The following MCPH1 variants were observed in gnomAD, a reference collection of about 807,000 sequenced individuals.
The protein encoded by MCPH1 is microcephalin 1, also known as microcephalin.
A neutral mutation model predicts 84.5 loss-of-function variants in MCPH1; 104 were observed. The observed-to-expected ratio is 1.23, with a 90% CI of 1.05 to 1.45. MCPH1 has a LOEUF of 1.45. MCPH1 is among the 40% of genes most tolerant of loss of function. The pLI is 0.00. For missense variants in MCPH1, 1,498 were observed against 1,005.7 expected (o/e 1.49, Z -6.62); for synonymous variants, 514 against 366.8 (o/e 1.40, Z -4.58).
intron 8 of MCPH1, chr8:6,447,466 G>A: frequency 1.0e-6 from 1 of 972,804 alleles, no homozygotes; most frequent in African/African-American, 1.8e-5. Context: ...GTGTAAAAAA[G>A]GCTTCAAAAA....
rs114702394 is a variant in MCPH1, at chr8:6,477,659, A to G, written c.1973+28A>G. 5.9e-4 allele frequency: 944 copies of G among 1,598,452 alleles called. 5 individuals carry two copies. Among genetic ancestry groups the G allele is most frequent in the African/African-American group, 2.7e-3 (201 of 74,712 alleles). ...AAGTACTTGTTTTGATTTCTGTTCA[A>G]TGTAAAATGTTAACCTTTTCTCTCT... On this transcript the variant is annotated intron_variant, in intron 10 of 13. Coordinates refer to ENST00000344683, the MANE Select transcript of MCPH1 (RefSeq NM_024596.5).
At chr8:6,422,023 T>A (rs562665212) in intron 3 of MCPH1, among the ~76,000 whole-genome samples, 1 of 152,380 alleles carries the variant, frequency 6.6e-6, no homozygotes, top group South Asian at 2.1e-4. Flanking sequence ...TGTCCCCAGT[T>A]CACAGTTCAA....
chr8:6,464,445 T>G (rs1806629403), intron 9 of MCPH1, among the ~76,000 whole-genome samples: 1 of 152,340 alleles, frequency 6.6e-6, no homozygotes, highest in Admixed American at 6.5e-5. Context: ...AATAGGATCT[T>G]CAAAGAACTC....
chr8:6,546,149 G>A (rs1235268733), intron 12 of MCPH1, among the ~76,000 whole-genome samples: 1 of 152,238 alleles, frequency 6.6e-6, no homozygotes, highest in East Asian at 1.9e-4. Context: ...TGCTATGCTA[G>A]TGTGAAAATT....
chr8:6,609,287 G>GGGGAC (rs1204641252), intron 12 of MCPH1, among the ~76,000 whole-genome samples: 2 of 152,212 alleles, frequency 1.3e-5, no homozygotes, highest in Non-Finnish European at 2.9e-5. Context: ...ACGGGACCCA[G>GGGGAC]AGCATGAGCG....
chr8:6,435,905 T>G, intron 4 of MCPH1, 143 bp from the exon 5 acceptor site: 1 of 866,024 alleles, frequency 1.2e-6, no homozygotes, highest in East Asian at 2.9e-5. Flanking sequence ...TATTGCCAGT[T>G]CACATACAGT....
chr8:6,537,934 T>C (rs1289311337), intron 12 of MCPH1, among the ~76,000 whole-genome samples: 1 of 152,158 alleles, frequency 6.6e-6, no homozygotes, highest in Non-Finnish European at 1.5e-5. Flanking sequence ...CTAATTAGTT[T>C]TTGTCCATCT....
Position 6,442,101 on chromosome 8 carries a change from A to T in MCPH1, c.615A>T (p.Pro205=). ...SQMIQQSHDN[P]SNSLCEAPLN... ...TGATTCAGCAGTCTCATGATAATCC[A>T]AGTAACTCTCTGTGTGAAGCACCTT... The change falls in exon 7 of 14, where the codon CCA becomes CCT. Residue 205 remains proline, a synonymous_variant. Coordinates refer to ENST00000344683, the MANE Select transcript of MCPH1 (RefSeq NM_024596.5). 1 of 1,613,772 alleles carries T rather than the reference A, an allele frequency of 6.2e-7. No individual in the cohort carries two copies. Among genetic ancestry groups the T allele is most frequent in the Non-Finnish European group, 8.5e-7 (1 of 1,179,676 alleles).
intron 10 of MCPH1, among the ~76,000 whole-genome samples, chr8:6,479,414 T>G (rs200292392): frequency 5.0e-5 from 1 of 20,110 alleles, no homozygotes; most frequent in African/African-American, 6.6e-5. Context: ...ATTTATTTAT[T>G]TATTTATTTA....
At chr8:6,465,140 T>C (rs1203441682) in intron 9 of MCPH1, among the ~76,000 whole-genome samples, 1 of 152,246 alleles carries the variant, frequency 6.6e-6, no homozygotes, top group Non-Finnish European at 1.5e-5. Context: ...GGGAGTCAGC[T>C]TAATGATAGT....
At chr8:6,589,728 A>G (rs1828288970) in intron 12 of MCPH1, among the ~76,000 whole-genome samples, 1 of 152,218 alleles carries the variant, frequency 6.6e-6, no homozygotes, top group Admixed American at 6.5e-5. Context: ...AAGTGTTTCC[A>G]TGACACGTGC....
At chr8:6,431,130 C>T (rs1801775720) in intron 3 of MCPH1, among the ~76,000 whole-genome samples, 2 of 152,126 alleles carry the variant, frequency 1.3e-5, no homozygotes. Flanking sequence ...GTCCCTTCTA[C>T]CTCTGAATTA....
chr8:6,509,110 T>C lies in MCPH1; in HGVS notation c.2214+9181T>C, dbSNP rs2129565875. On this transcript the variant is annotated intron_variant, in intron 12 of 13. Transcript: ENST00000344683. ...AACACATTGGCTAGGGTCATTGATT[T>C]ACCGTAGTGGCAAATTTTTTGTGAT... 1.9e-6 allele frequency: 3 copies of C among 1,586,616 alleles called. No homozygotes were observed. The South Asian group carries it at 3.4e-5, about 18-fold the overall frequency.
chr8:6,520,884 T>A (rs537777220), intron 12 of MCPH1, among the ~76,000 whole-genome samples: 14 of 152,310 alleles, frequency 9.2e-5, no homozygotes, highest in Admixed American at 7.8e-4. Flanking sequence ...TAAATGAATA[T>A]CGGCTGTGGT....
intron 13 of MCPH1, chr8:6,624,817 C>T (rs1384170717): frequency 2.0e-6 from 2 of 985,206 alleles, no homozygotes; most frequent in Non-Finnish European, 2.4e-6. Context: ...ATTGCGTTTC[C>T]TGCCTCATCC....
chr8:6,643,175 T>A lies in MCPH1; in HGVS notation c.*126T>A. ...ACAAGATGACTTCTGATATCATGTT[T>A]GCCATGTGTTGTGGTTCTTAAGAAC... is the stretch of plus-strand genomic sequence containing the variant. On this transcript the variant is annotated 3_prime_UTR_variant, in exon 14 of 14. Coordinates refer to ENST00000344683, the MANE Select transcript of MCPH1 (RefSeq NM_024596.5). 1 of 827,172 alleles carries A rather than the reference T, an allele frequency of 1.2e-6. No individual in the cohort carries two copies. Among genetic ancestry groups the A allele is most frequent in the East Asian group, 2.6e-5 (1 of 38,242 alleles). 51.2% of individuals were successfully genotyped at this position (827,172 alleles called of 1,614,324 possible).
intron 12 of MCPH1, among the ~76,000 whole-genome samples, chr8:6,566,163 C>T (rs1055523156): frequency 6.6e-6 from 1 of 152,230 alleles, no homozygotes; most frequent in African/African-American, 2.4e-5. Context: ...GTAATTTTCA[C>T]ATCATGAAAG....
intron 13 of MCPH1, chr8:6,625,209 C>T: frequency 1.0e-6 from 1 of 985,434 alleles, no homozygotes; most frequent in Non-Finnish European, 1.2e-6. Flanking sequence ...GCATTTACTT[C>T]ATGTATAAAA....
intron 12 of MCPH1, among the ~76,000 whole-genome samples, chr8:6,505,407 TATTCTTTATATACATAAA>T (rs1813305281): frequency 3.0e-5 from 2 of 67,526 alleles, no homozygotes; most frequent in African/African-American, 9.8e-5. Flanking sequence ...AGAATATATA[TATTCTTTATATACATAAA>T]GAATATATAT....
Sources: allele counts gnomAD v4.1 joint callset (sites outside exome capture counted in the v4.1 genomes callset), GRCh38; gene constraint gnomAD v4.1.1; transcripts MANE v1.5; gene names NCBI Gene and HGNC (gene_info 2026-07-23, HGNC 2026-07-21).